The following CREM variants were observed in gnomAD, a reference collection of about 807,000 sequenced individuals.
CREM encodes the protein cAMP responsive element modulator.
A neutral mutation model predicts 37.3 loss-of-function variants in CREM; 13 were observed. That is an observed-to-expected ratio of 0.35 (90% CI 0.23 to 0.55). The LOEUF (loss-of-function observed/expected upper bound fraction) is 0.55, where lower values mean the gene tolerates loss of function less well. CREM is among the 20% of genes least tolerant of loss of function. The pLI is 0.88. For missense variants in CREM, 296 were observed against 362.3 expected (o/e 0.82, Z 1.49); for synonymous variants, 124 against 120.2 (o/e 1.03, Z -0.21).
intron 5 of CREM, 86 bp from the exon 6 acceptor site, chr10:35,188,114 A>G: frequency 7.7e-7 from 1 of 1,294,752 alleles, no homozygotes; most frequent in Admixed American, 2.7e-5. Context: ...ATGGTAATAA[A>G]TAGACCCAGA....
Position 35,161,827 on chromosome 10 carries a change from G to C in CREM, c.168+13336G>C, listed in dbSNP as rs112415605. Among the ~76,000 whole-genome samples the C allele has an allele frequency of 3.8e-3, 575 of 152,302 alleles. 6 individuals are homozygous for C. The highest frequency in any genetic ancestry group is 0.013 in the African/African-American group (534 of 41,558). ...GGGAACACTTATACACTGACGGTGG[G>C]AATGTAAATTTGTATAGCCATATGG... On this transcript the variant is annotated intron_variant, in intron 3 of 7. Coordinates refer to ENST00000685392, the MANE Select transcript of CREM (RefSeq NM_183011.2).
chr10:35,154,464 A>G (rs1420350359), intron 3 of CREM: 1 of 169,248 alleles, frequency 5.9e-6, no homozygotes, highest in Non-Finnish European at 1.3e-5. Context: ...TGAATCTTGT[A>G]TTTTAGCTTC....
intron 3 of CREM, among the ~76,000 whole-genome samples, chr10:35,163,726 C>T (rs1035945369): frequency 3.9e-5 from 6 of 151,974 alleles, no homozygotes; most frequent in Admixed American, 6.6e-5. Flanking sequence ...GAGGCTGAGG[C>T]GGGAGATTCG....
At chr10:35,187,842 A>T (rs1457416020) in intron 5 of CREM, among the ~76,000 whole-genome samples, 2 of 152,152 alleles carry the variant, frequency 1.3e-5, no homozygotes, top group East Asian at 3.9e-4. Flanking sequence ...AATGGTGTTT[A>T]TAAGGAAAAA....
In CREM at chr10:35,148,747, C is replaced by G. The variant is rs377329761; in HGVS notation, c.168+256C>G. ...AAACCCTTCCTGAATATGTAATCCT[C>G]AAAGTATGATTTGAGAGGGTTGCTA... On this transcript the variant is annotated intron_variant, in intron 3 of 7. Transcript: ENST00000685392. The G allele has an allele frequency of 3.0e-4, 104 of 342,088 alleles. 1 individual carries two copies. The highest frequency in any genetic ancestry group is 4.5e-4 in the Non-Finnish European group (84 of 186,658). 21.2% of individuals were successfully genotyped at this position (342,088 alleles called of 1,614,324 possible).
chr10:35,128,679 C>T (rs2088609530), intron 1 of CREM, among the ~76,000 whole-genome samples: 1 of 152,038 alleles, frequency 6.6e-6, no homozygotes, highest in African/African-American at 2.4e-5. Context: ...GCGCCCGCCA[C>T]CACGCCTGGC....
intron 3 of CREM, among the ~76,000 whole-genome samples, chr10:35,168,900 A>G (rs2093675494): frequency 6.6e-6 from 1 of 152,158 alleles, no homozygotes; most frequent in East Asian, 1.9e-4. Flanking sequence ...CAAAGATCAG[A>G]TGGTTGTAGA....
At chr10:35,205,822 G>T (rs181288573) in intron 6 of CREM, among the ~76,000 whole-genome samples, 1 of 152,156 alleles carries the variant, frequency 6.6e-6, no homozygotes, top group Non-Finnish European at 1.5e-5. Flanking sequence ...GCCAGGTGTC[G>T]TGGTGCACGC....
chr10:35,190,141 A>G (rs1376268248), intron 6 of CREM, among the ~76,000 whole-genome samples: 1 of 152,244 alleles, frequency 6.6e-6, no homozygotes, highest in African/African-American at 2.4e-5. Flanking sequence ...TCTACTGCAA[A>G]CAACAGAGTT....
chr10:35,151,772 A>C (rs755479320), intron 3 of CREM, among the ~76,000 whole-genome samples: 4 of 152,188 alleles, frequency 2.6e-5, no homozygotes, highest in Non-Finnish European at 4.4e-5. Flanking sequence ...CTTATGGATT[A>C]TTTTAGTTAA....
intron 6 of CREM, among the ~76,000 whole-genome samples, chr10:35,205,802 T>C (rs1037700496): frequency 6.6e-6 from 1 of 151,982 alleles, no homozygotes; most frequent in Non-Finnish European, 1.5e-5. Flanking sequence ...CTACTAAAAA[T>C]ACAAAATTAG....
At chr10:35,145,019 G>A (rs565260256) in intron 2 of CREM, among the ~76,000 whole-genome samples, 72 of 151,954 alleles carry the variant, frequency 4.7e-4, no homozygotes, top group African/African-American at 1.7e-3. Flanking sequence ...AAATTAGCCG[G>A]GTGTGGTGGC....
intron 3 of CREM, among the ~76,000 whole-genome samples, chr10:35,165,068 A>AT (rs1203637149): frequency 6.6e-6 from 1 of 150,780 alleles, no homozygotes; most frequent in Non-Finnish European, 1.5e-5. Flanking sequence ...AAAAAAAAAA[A>AT]AAAAAAAAAA....
At chr10:35,195,614 A>G (rs2095123250) in intron 6 of CREM, among the ~76,000 whole-genome samples, 1 of 152,176 alleles carries the variant, frequency 6.6e-6, no homozygotes, top group Non-Finnish European at 1.5e-5. Flanking sequence ...CCGCAGATTA[A>G]ACATACAGTA....
intron 5 of CREM, among the ~76,000 whole-genome samples, chr10:35,183,812 C>T (rs1458092530): frequency 1.3e-5 from 2 of 152,216 alleles, no homozygotes; most frequent in African/African-American, 2.4e-5. Flanking sequence ...TGATGGTTCA[C>T]GCCTGTAATC....
chr10:35,158,406 A>T (rs960309436), intron 3 of CREM: 1 of 286,870 alleles, frequency 3.5e-6, no homozygotes, highest in Non-Finnish European at 7.0e-6. Flanking sequence ...CGGGGGCTGA[A>T]GCAGGCCAAA....
chr10:35,206,012 G>A (rs933503460), intron 6 of CREM, among the ~76,000 whole-genome samples: 1 of 151,782 alleles, frequency 6.6e-6, no homozygotes, highest in African/African-American at 2.4e-5. Flanking sequence ...ACTTTGGGAG[G>A]CCAAGGTGGG....
intron 2 of CREM, among the ~76,000 whole-genome samples, chr10:35,143,326 AAG>A (rs1452030102): frequency 1.3e-5 from 2 of 152,166 alleles, no homozygotes; most frequent in African/African-American, 4.8e-5. Context: ...GAAGTGAAGA[AAG>A]GGGGAGGCAG....
chr10:35,133,263 G>A (rs529661044), intron 1 of CREM, among the ~76,000 whole-genome samples: 8 of 151,348 alleles, frequency 5.3e-5, no homozygotes, highest in African/African-American at 1.7e-4. Context: ...AATATTTCCC[G>A]TAAGTCATAG....
Sources: gnomAD v4.1 joint callset for allele counts (sites outside exome capture counted in the v4.1 genomes callset) on GRCh38, gnomAD v4.1.1 for gene constraint, MANE v1.5 for transcripts, NCBI Gene and HGNC (gene_info 2026-07-23, HGNC 2026-07-21) for gene names.